DLC1: variants seen among roughly 807,000 people sequenced by gnomAD.
DLC1 encodes the protein rho GTPase-activating protein 7.
In DLC1, 54 loss-of-function variants were observed where a neutral mutation model predicts 140.3. The observed-to-expected ratio is 0.38, with a 90% CI of 0.31 to 0.48. DLC1 has a LOEUF of 0.48. Ranked by LOEUF, DLC1 falls within the 20% of genes least tolerant of loss-of-function variation. The pLI is 0.96. For synonymous variants in DLC1, 986 were observed against 728.1 expected (o/e 1.35, Z -5.70); for missense variants, 2,536 against 1,907.0 (o/e 1.33, Z -6.14).
intron 2 of DLC1, among the ~76,000 whole-genome samples, chr8:13,496,785 CCTTTT>C (rs1801526559): frequency 1.2e-4 from 1 of 8,648 alleles, no homozygotes; most frequent in Non-Finnish European, 6.9e-4. Flanking sequence ...TAGACCATTT[CCTTTT>C]TTTTTTTTTT....
At chr8:13,225,658 A>C (rs34092444) in intron 5 of DLC1, among the ~76,000 whole-genome samples, 3,452 of 146,910 alleles carry the variant, frequency 0.023, 134 homozygotes, top group African/African-American at 0.082. Context: ...CTCTGCTGCC[A>C]AGGCTGGAGT....
rs367761470 is a variant in DLC1 at position 13,085,790 on chromosome 8, G to A, written c.*21C>T. ...AGAAACAAACACCATGGTGGTGGAAGCGGTTGCGTTGCTTCAGTGATCACC... is the reference window on the plus strand; with the variant it reads ...AGAAACAAACACCATGGTGGTGGAAACGGTTGCGTTGCTTCAGTGATCACC... On this transcript the variant is annotated 3_prime_UTR_variant, in exon 18 of 18. Transcript: ENST00000276297. 6.2e-6 allele frequency: 10 copies of A among 1,613,920 alleles called. No individual in the cohort carries two copies. The East Asian group carries it at 8.9e-5, about 14-fold the overall frequency.
intron 1 of DLC1, among the ~76,000 whole-genome samples, chr8:13,564,707 C>T (rs1349224849): frequency 6.6e-6 from 1 of 152,174 alleles, no homozygotes; most frequent in South Asian, 2.1e-4. Context: ...TTGACTTCCT[C>T]TTTCTGGGGT....
intron 4 of DLC1, among the ~76,000 whole-genome samples, chr8:13,366,468 G>C (rs10094334): frequency 0.058 from 8,847 of 152,202 alleles, 891 homozygotes; most frequent in African/African-American, 0.2. Flanking sequence ...TTAACACTAT[G>C]AGTGATATTC....
At chr8:13,521,495 A>G (rs1185103598) in intron 1 of DLC1, among the ~76,000 whole-genome samples, 3 of 152,006 alleles carry the variant, frequency 2.0e-5, no homozygotes, top group African/African-American at 7.3e-5. Flanking sequence ...GGGGCCACGC[A>G]TTCTCTCCTA....
rs140021581 is a variant in DLC1 at position 13,256,203 on chromosome 8, A to C, written c.1348+49066T>G. 2.9e-3 allele frequency among the ~76,000 whole-genome samples: 443 copies of C among 152,304 alleles called. 2 individuals carry two copies. Among genetic ancestry groups the C allele is most frequent in the African/African-American group, 0.01 (436 of 41,560 alleles). On this transcript the variant is annotated intron_variant, in intron 5 of 17. Transcript: ENST00000276297. ...AAAAAAATCCTAAAGGAGGTTGATAAGTTATTAAATGTACAGTAGTTGTTA... is the reference window on the plus strand; with the variant it reads ...AAAAAAATCCTAAAGGAGGTTGATACGTTATTAAATGTACAGTAGTTGTTA...
At chr8:13,504,716 C>T (rs560754813) in intron 1 of DLC1, among the ~76,000 whole-genome samples, 2 of 152,050 alleles carry the variant, frequency 1.3e-5, no homozygotes, top group Non-Finnish European at 2.9e-5. Flanking sequence ...CAGGCAAATA[C>T]GACTTCAAAA....
At chr8:13,493,696 G>C (rs111297553) in intron 2 of DLC1, among the ~76,000 whole-genome samples, 562 of 151,968 alleles carry the variant, frequency 3.7e-3, no homozygotes, top group Non-Finnish European at 5.8e-3. Context: ...TTATTTTCTA[G>C]AACTTATTTT....
intron 5 of DLC1, among the ~76,000 whole-genome samples, chr8:13,126,389 A>C (rs1821570612): frequency 6.6e-6 from 1 of 152,022 alleles, no homozygotes; most frequent in Admixed American, 6.6e-5. Flanking sequence ...ACACACACAC[A>C]CACACACACA....
chr8:13,577,726 G>A (rs529604763), intron 1 of DLC1, among the ~76,000 whole-genome samples: 3 of 151,972 alleles, frequency 2.0e-5, no homozygotes, highest in African/African-American at 4.8e-5. Context: ...TTTCCTCCTT[G>A]GTATCTAGGA....
At chr8:13,361,864 T>G (rs1297427844) in intron 4 of DLC1, among the ~76,000 whole-genome samples, 1 of 152,186 alleles carries the variant, frequency 6.6e-6, no homozygotes, top group African/African-American at 2.4e-5. Flanking sequence ...CTTCTATAAG[T>G]AAGTCATGAC....
chr8:13,145,121 T>G (rs943764580), intron 5 of DLC1, among the ~76,000 whole-genome samples: 3 of 152,072 alleles, frequency 2.0e-5, no homozygotes, highest in African/African-American at 7.2e-5. Flanking sequence ...TACTGAAAAT[T>G]TTAAAATTCC....
intron 2 of DLC1, among the ~76,000 whole-genome samples, chr8:13,447,434 G>T (rs1435610996): frequency 1.3e-5 from 2 of 152,164 alleles, no homozygotes; most frequent in Non-Finnish European, 2.9e-5. Flanking sequence ...GTGGGGACTT[G>T]CTTTGCCACA....
intron 2 of DLC1, among the ~76,000 whole-genome samples, chr8:13,491,681 G>A (rs1020393949): frequency 6.6e-6 from 1 of 152,072 alleles, no homozygotes; most frequent in Admixed American, 6.6e-5. Context: ...AGTCTTGAAG[G>A]TTTCCTCAGA....
At chr8:13,597,578 A>G (rs1175086892) in intron 1 of DLC1, among the ~76,000 whole-genome samples, 2 of 152,064 alleles carry the variant, frequency 1.3e-5, no homozygotes, top group African/African-American at 4.8e-5. Context: ...TAAGATAAAG[A>G]TCATAGTGTG....
intron 5 of DLC1, among the ~76,000 whole-genome samples, chr8:13,169,681 A>G (rs891857400): frequency 2.0e-5 from 3 of 152,154 alleles, no homozygotes; most frequent in Non-Finnish European, 4.4e-5. Flanking sequence ...GTTTTTTAAA[A>G]AGTCTGCAGG....
chr8:13,253,560 T>C (rs929197817), intron 5 of DLC1, among the ~76,000 whole-genome samples: 1 of 152,212 alleles, frequency 6.6e-6, no homozygotes, highest in African/African-American at 2.4e-5. Context: ...ATATTTACAA[T>C]TGATTTTATT....
chr8:13,416,887 T>C (rs932781957), intron 2 of DLC1, among the ~76,000 whole-genome samples: 1 of 149,476 alleles, frequency 6.7e-6, no homozygotes, highest in Non-Finnish European at 1.5e-5. Flanking sequence ...GAGAAAAAAC[T>C]TTTTTTTTTC....
intron 3 of DLC1, among the ~76,000 whole-genome samples, chr8:13,396,361 G>T (rs1349589986): frequency 6.6e-6 from 1 of 152,082 alleles, no homozygotes; most frequent in Non-Finnish European, 1.5e-5. Context: ...GCCTGGCCTT[G>T]CATTAATTTC....
Sources: gnomAD v4.1 joint callset for allele counts (sites outside exome capture counted in the v4.1 genomes callset) on GRCh38, gnomAD v4.1.1 for gene constraint, MANE v1.5 for transcripts, NCBI Gene and HGNC (gene_info 2026-07-23, HGNC 2026-07-21) for gene names.